The following ODF2 variants were observed in gnomAD, a reference collection of about 807,000 sequenced individuals.
ODF2 encodes outer dense fiber of sperm tails 2, also known as outer dense fiber protein 2.
Under a neutral mutation model 110.2 loss-of-function variants are expected in ODF2, and 47 were observed. That is an observed-to-expected ratio of 0.43 (90% CI 0.34 to 0.54). The LOEUF (loss-of-function observed/expected upper bound fraction) is 0.54. Ranked by LOEUF, ODF2 falls within the 20% of genes least tolerant of loss-of-function variation. The probability of loss-of-function intolerance (pLI) is 0.03; values close to 1 mark genes in which losing one functional copy is unlikely to be tolerated. For synonymous variants in ODF2, 352 were observed against 397.7 expected (o/e 0.89, Z 1.37); for missense variants, 812 against 1,054.5 (o/e 0.77, Z 3.19).
chr9:128,481,733 A>G (rs1237060693), intron 9 of ODF2, 82 bp downstream of exon 9: 2 of 1,144,482 alleles, frequency 1.7e-6, no homozygotes, highest in African/African-American at 1.5e-5. Context: ...AGGTGCTTGG[A>G]TCAAGGCAGG....
intron 8 of ODF2, among the ~76,000 whole-genome samples, chr9:128,480,555 G>A (rs543316175): frequency 5.8e-4 from 89 of 152,310 alleles, no homozygotes; most frequent in Non-Finnish European, 1.0e-3. Context: ...GGTGGCTCAC[G>A]CCTGTAATCC....
At chr9:128,456,326 C>T (rs1248997501) in intron 1 of ODF2, 71 bp downstream of exon 1, 111 of 1,465,098 alleles carry the variant, frequency 7.6e-5, no homozygotes, top group Non-Finnish European at 9.8e-5. Flanking sequence ...GCCTTCGCAC[C>T]CCCGGCGCGG....
chr9:128,494,969 A>G lies in ODF2; in HGVS notation c.1911+301A>G. ...GTGCTCCGCAGCTGTCCTCAGCTCC[A>G]CACCCACAGCTGGGAGATGCCAGCA... On this transcript the variant is annotated intron_variant, in intron 17 of 20. Transcript: ENST00000604420. This position sits in a 1 kb window ranked among gnomAD's most constrained non-coding sequence, Gnocchi z 4.6. 4 of 711,342 alleles carry G rather than the reference A, an allele frequency of 5.6e-6. No individual in the cohort carries two copies. Among genetic ancestry groups the G allele is most frequent in the Non-Finnish European group, 8.8e-6 (4 of 452,102 alleles). 44.1% of individuals were successfully genotyped at this position (711,342 alleles called of 1,614,324 possible). A position where few individuals can be genotyped will look rare whatever the true frequency, so the allele number is the denominator to read the frequency against.
At chr9:128,480,878 A>G (rs1341714389) in intron 8 of ODF2, among the ~76,000 whole-genome samples, 1 of 152,148 alleles carries the variant, frequency 6.6e-6, no homozygotes, top group African/African-American at 2.4e-5. Context: ...TTATTTTCCT[A>G]AAGTTACACA....
At chr9:128,470,044 T>TATATATATAA (rs1564476177) in intron 5 of ODF2, among the ~76,000 whole-genome samples, 10 of 64,802 alleles carry the variant, frequency 1.5e-4, no homozygotes, top group African/African-American at 5.6e-4. Flanking sequence ...TATATATATA[T>TATATATATAA]ATAAATAAAA....
At chr9:128,462,739 A>T (rs1334485270) in intron 4 of ODF2, among the ~76,000 whole-genome samples, 1 of 151,962 alleles carries the variant, frequency 6.6e-6, no homozygotes, top group Non-Finnish European at 1.5e-5. Context: ...AGCTGGGACT[A>T]TAAGTGCCCG....
chr9:128,482,271 T>C (rs997429590), intron 9 of ODF2, among the ~76,000 whole-genome samples: 9 of 152,238 alleles, frequency 5.9e-5, no homozygotes, highest in African/African-American at 2.2e-4. Context: ...TGGCCTCTGA[T>C]GCTTAGTTGA....
chr9:128,461,252 G>A, intron 4 of ODF2, 185 bp downstream of exon 4: 2 of 719,374 alleles, frequency 2.8e-6, no homozygotes. Context: ...TGCTGTGTGG[G>A]AAGTCCTGCT....
chr9:128,456,459 C>G (rs1394403555), intron 1 of ODF2: 1 of 1,516,926 alleles, frequency 6.6e-7, no homozygotes, highest in Non-Finnish European at 8.8e-7. Flanking sequence ...CGCTAACGGG[C>G]GGTCGGCCGC....
At chr9:128,488,115 G>C in intron 14 of ODF2, 90 bp downstream of exon 14, 1 of 1,446,638 alleles carries the variant, frequency 6.9e-7, no homozygotes, top group Non-Finnish European at 9.5e-7. Flanking sequence ...GGGGCATCTT[G>C]ACTAAGAGGG....
At chr9:128,458,298 T>TA (rs993986249) in intron 2 of ODF2, among the ~76,000 whole-genome samples, 4 of 151,786 alleles carry the variant, frequency 2.6e-5, no homozygotes, top group Non-Finnish European at 5.9e-5. Flanking sequence ...ACTAGAAACA[T>TA]AAAAAATTAG....
At chr9:128,459,484 G>A (rs1835837974) in intron 2 of ODF2, 83 bp from the exon 2 acceptor site, 1 of 1,089,108 alleles carries the variant, frequency 9.2e-7, no homozygotes, top group South Asian at 1.4e-5. Flanking sequence ...AGCTACCGTA[G>A]TCAGTGTGTA....
chr9:128,488,235 G>A (rs1329506532), intron 14 of ODF2, among the ~76,000 whole-genome samples: 1 of 152,070 alleles, frequency 6.6e-6, no homozygotes, highest in Non-Finnish European at 1.5e-5. Context: ...GACCAGCCTG[G>A]GCAACATGGC....
Position 128,487,712 on chromosome 9 carries a change from G to A in ODF2, c.1401-178G>A, listed in dbSNP as rs186917267. Among the ~76,000 whole-genome samples, 265 of 152,080 alleles carry A rather than the reference G, an allele frequency of 1.7e-3. 1 individual carries two copies. Among genetic ancestry groups the A allele is most frequent in the Non-Finnish European group, 2.7e-3 (181 of 68,000 alleles). ...TGAGGCAGGAGAATGGCATGAACAC[G>A]GGAGGCGGAGCTTGCAGTGAGCCAA... is the stretch of plus-strand genomic sequence containing the variant. On this transcript the variant is annotated intron_variant, in intron 13 of 20. Coordinates refer to ENST00000604420, the Ensembl canonical transcript of ODF2.
intron 4 of ODF2, among the ~76,000 whole-genome samples, chr9:128,466,993 AAAAAAAAAAAAAAAAAAAAAAATAT>A (rs1838134385): frequency 2.1e-5 from 1 of 48,668 alleles, no homozygotes; most frequent in Non-Finnish European, 3.5e-5. Context: ...AAAAAAAAAA[AAAAAAAAAAAAAAAAAAAAAAATAT>A]ATATATATAT....
chr9:128,457,576 T>C (rs1835235225), intron 2 of ODF2: 2 of 1,174,122 alleles, frequency 1.7e-6, no homozygotes, highest in Non-Finnish European at 1.2e-6. Context: ...AAAATCGTTT[T>C]TAAAGGGAAG....
At chr9:128,481,105 A>G (rs1418649414) in intron 8 of ODF2, among the ~76,000 whole-genome samples, 1 of 152,178 alleles carries the variant, frequency 6.6e-6, no homozygotes, top group Non-Finnish European at 1.5e-5. Context: ...TGGGTACAGG[A>G]GGAACTGTAG....
chr9:128,490,076 G>A (rs1000739125), intron 14 of ODF2, among the ~76,000 whole-genome samples: 1 of 152,112 alleles, frequency 6.6e-6, no homozygotes, highest in South Asian at 2.1e-4. Flanking sequence ...CAGCCATGGT[G>A]GCTCACACCT....
chr9:128,461,618 C>T (rs1322366421), intron 4 of ODF2, among the ~76,000 whole-genome samples: 1 of 152,106 alleles, frequency 6.6e-6, no homozygotes, highest in Non-Finnish European at 1.5e-5. Flanking sequence ...GGGGTTTCAT[C>T]GTGTTGGCCA....
Sources: allele counts gnomAD v4.1 joint callset (sites outside exome capture counted in the v4.1 genomes callset), GRCh38; gene constraint gnomAD v4.1.1; non-coding constraint Gnocchi (gnomAD v3.1); transcripts MANE v1.5; gene names NCBI Gene and HGNC (gene_info 2026-07-23, HGNC 2026-07-21).